Variants in KIRREL1 observed in about 807,000 individuals in gnomAD.
The protein encoded by KIRREL1 is kirre like nephrin family adhesion molecule 1, also known as kin of IRRE-like protein 1.
Under a neutral mutation model 83.3 loss-of-function variants are expected in KIRREL1, and 25 were observed. That is an observed-to-expected ratio of 0.30 (90% CI 0.22 to 0.42). KIRREL1 has a LOEUF of 0.42. Ranked by LOEUF, KIRREL1 falls within the 10% of genes least tolerant of loss-of-function variation. The pLI is 1.00. For synonymous variants in KIRREL1, 388 were observed against 410.4 expected, an observed-to-expected ratio of 0.95 and a Z score of 0.66; for missense variants, 812 against 1,032.3, an observed-to-expected ratio of 0.79 and a Z score of 2.92.
chr1:158,065,569 C>T (rs556778141), intron 1 of KIRREL1, among the ~76,000 whole-genome samples: 21 of 152,184 alleles, frequency 1.4e-4, no homozygotes, highest in African/African-American at 2.4e-4. Flanking sequence ...CCCTTGAGGA[C>T]GCCTGCAGAA....
chr1:158,060,445 T>G (rs1316616977), intron 1 of KIRREL1, among the ~76,000 whole-genome samples: 1 of 152,196 alleles, frequency 6.6e-6, no homozygotes, highest in Non-Finnish European at 1.5e-5. Flanking sequence ...TGAGTTCTGC[T>G]TATTACTCTC....
chr1:158,086,827 A>T, intron 5 of KIRREL1, 81 bp downstream of exon 5: 7 of 1,293,092 alleles, frequency 5.4e-6, no homozygotes, highest in Non-Finnish European at 6.5e-6. Flanking sequence ...TAGTTTGAGA[A>T]ACACAAACTA....
intron 1 of KIRREL1, among the ~76,000 whole-genome samples, chr1:158,044,940 C>T (rs1213424299): frequency 7.9e-5 from 12 of 152,146 alleles, no homozygotes; most frequent in Non-Finnish European, 1.8e-4. Flanking sequence ...AAGGGGAATC[C>T]GGAGTCTGGT....
chr1:158,026,385 T>A (rs543554536), intron 1 of KIRREL1, among the ~76,000 whole-genome samples: 42 of 152,174 alleles, frequency 2.8e-4, no homozygotes, highest in Non-Finnish European at 5.1e-4. Context: ...GCTCACTGAC[T>A]GGACATCCTC....
At chr1:157,995,066 C>T (rs6656063) in intron 1 of KIRREL1, among the ~76,000 whole-genome samples, 63,270 of 152,096 alleles carry the variant, frequency 0.42, 14,158 homozygotes, top group East Asian at 0.61. Context: ...GAGGAGGTGT[C>T]CTCTTTTAGG....
At chr1:158,086,918 G>A (rs1390892783) in intron 5 of KIRREL1, among the ~76,000 whole-genome samples, 172 bp downstream of exon 5, 1 of 152,084 alleles carries the variant, frequency 6.6e-6, no homozygotes, top group African/African-American at 2.4e-5. Flanking sequence ...GGGGACTAAG[G>A]GCTGGTAGAG....
intron 1 of KIRREL1, among the ~76,000 whole-genome samples, chr1:158,032,098 G>A (rs200143499): frequency 2.6e-5 from 4 of 150,982 alleles, no homozygotes; most frequent in African/African-American, 4.9e-5. Flanking sequence ...GAAAAGAAAA[G>A]AAAAACAAAC....
At chr1:158,015,208 C>T (rs890726195) in intron 1 of KIRREL1, among the ~76,000 whole-genome samples, 1 of 152,182 alleles carries the variant, frequency 6.6e-6, no homozygotes, top group Non-Finnish European at 1.5e-5. Flanking sequence ...TCAGTGTCTC[C>T]TAAGAAACTG....
intron 1 of KIRREL1, among the ~76,000 whole-genome samples, chr1:158,069,800 T>G (rs757972557): frequency 2.0e-5 from 3 of 152,184 alleles, no homozygotes; most frequent in Non-Finnish European, 2.9e-5. Context: ...CCCTGAGCCT[T>G]AGCTTTTTTT....
rs867745807 is a variant in KIRREL1 at position 158,099,872 on chromosome 1, C to T, written c.*4752C>T. The T allele has an allele frequency of 6.6e-6, 1 of 152,084 alleles. No homozygotes were observed. The highest frequency in any genetic ancestry group is 1.5e-5 in the Non-Finnish European group (1 of 68,034). The allele number at this position is 152,084 out of a possible 1,614,324, so 9.4% of individuals were successfully genotyped here. ...CCAATACAGTAAAACTCCACACAAT[C>T]TTGTTAGCAACAGTGACCCAGAAAA... On this transcript the variant is annotated 3_prime_UTR_variant, in exon 15 of 15. Coordinates refer to ENST00000359209, the MANE Select transcript of KIRREL1 (RefSeq NM_018240.7).
rs1662062929 is a variant in KIRREL1, at chr1:158,087,869, G to A, written c.767+9G>A. On this transcript the variant is annotated intron_variant, in intron 6 of 14. Transcript: ENST00000359209. ...GAGATCTTGGGCTACAGGTGAGGGG[G>A]TCAGAGGCTGGGAGCGCTCTGGGGA... is the stretch of plus-strand genomic sequence containing the variant. 1 of 1,612,478 alleles carries A rather than the reference G, an allele frequency of 6.2e-7. No homozygotes were observed. Among genetic ancestry groups the A allele is most frequent in the African/African-American group, 1.3e-5 (1 of 74,874 alleles).
At position 158,096,296 on chromosome 1, in the gene KIRREL1, C is replaced by T; in HGVS notation, c.*1176C>T. On this transcript the variant is annotated 3_prime_UTR_variant, in exon 15 of 15. Transcript: ENST00000359209. ...GGGGGCCTGGCTCTCAGTCTCTACT[C>T]TCCTATGTCCCATCAGTTGGTTGGA... The T allele has an allele frequency of 3.0e-6, 1 of 331,456 alleles. No homozygotes were observed. Among genetic ancestry groups the T allele is most frequent in the Non-Finnish European group, 5.9e-6 (1 of 169,490 alleles). The allele number at this position is 331,456 out of a possible 1,614,324, so 20.5% of individuals were successfully genotyped here. A position where few individuals can be genotyped will look rare whatever the true frequency, so the allele number is the denominator to read the frequency against.
intron 1 of KIRREL1, among the ~76,000 whole-genome samples, chr1:158,027,835 C>T (rs189013426): frequency 3.9e-5 from 6 of 152,276 alleles, no homozygotes; most frequent in Admixed American, 3.3e-4. Context: ...GTAGCATAGC[C>T]AGGAAGCTCC....
At position 158,087,987 on chromosome 1, in the gene KIRREL1, G is replaced by A. The variant is rs1467889031; in HGVS notation, c.768-19G>A. 1 of 1,614,022 alleles carries A rather than the reference G, an allele frequency of 6.2e-7. No homozygotes were observed. Among genetic ancestry groups the A allele is most frequent in the Non-Finnish European group, 8.5e-7 (1 of 1,179,912 alleles). On this transcript the variant is annotated intron_variant, in intron 6 of 14. Transcript: ENST00000359209. ...GGGTCTGAGGCCTGATCCCACCTCT[G>A]TGTTGCCTCCTCCCCTAGGTGGGCC...
chr1:158,077,713 C>T (rs957994168), intron 2 of KIRREL1, among the ~76,000 whole-genome samples: 1 of 152,200 alleles, frequency 6.6e-6, no homozygotes, highest in Non-Finnish European at 1.5e-5. Context: ...CTCTTTCTCC[C>T]CTATTATTAT....
At chr1:158,082,494 T>C (rs1661891003) in intron 3 of KIRREL1, among the ~76,000 whole-genome samples, 1 of 152,176 alleles carries the variant, frequency 6.6e-6, no homozygotes, top group South Asian at 2.1e-4. Context: ...GAGTAGTTTC[T>C]ACTGGAAACC....
intron 8 of KIRREL1, 29 bp from the exon 9 acceptor site, chr1:158,089,473 C>T (rs752435259): frequency 8.1e-6 from 13 of 1,613,254 alleles, no homozygotes; most frequent in East Asian, 2.2e-5. Context: ...CCTCCTGGCT[C>T]CCCACCCGAG....
At chr1:158,093,545 C>A in intron 12 of KIRREL1, 78 bp from the exon 13 acceptor site, 1 of 1,606,060 alleles carries the variant, frequency 6.2e-7, no homozygotes, top group Non-Finnish European at 8.5e-7. Context: ...CCTTGAGCTC[C>A]AGCCCAGAGG....
Position 157,994,346 on chromosome 1 carries a change from G to A in KIRREL1, c.52+618G>A, listed in dbSNP as rs1208229290. 4.7e-5 allele frequency among the ~76,000 whole-genome samples: 7 copies of A among 150,492 alleles called. No homozygotes were observed. The East Asian group carries it at 1.0e-3, about 21-fold the overall frequency. Reference sequence around the variant, plus strand: ...CCTGCCCACGGAGGCTCTGGGTGGAGAGTGGAGTTCCACATACAGCTTCAG... The same window carrying A: ...CCTGCCCACGGAGGCTCTGGGTGGAAAGTGGAGTTCCACATACAGCTTCAG... On this transcript the variant is annotated intron_variant, in intron 1 of 14. Coordinates refer to ENST00000359209, the MANE Select transcript of KIRREL1 (RefSeq NM_018240.7).
Sources: gnomAD v4.1 joint callset for allele counts (sites outside exome capture counted in the v4.1 genomes callset) on GRCh38, gnomAD v4.1.1 for gene constraint, MANE v1.5 for transcripts, NCBI Gene and HGNC (gene_info 2026-07-23, HGNC 2026-07-21) for gene names.